Variants in GBP6 observed in about 807,000 individuals in gnomAD.
The protein encoded by GBP6 is guanylate-binding protein 6.
GBP6 carries 54 observed loss-of-function variants against 61.5 expected under a neutral mutation model. The observed-to-expected ratio is 0.88, with a 90% CI of 0.71 to 1.10. The LOEUF (loss-of-function observed/expected upper bound fraction) is 1.10. Among genes scored for constraint, GBP6 ranks in the 50% least tolerant of loss-of-function variants. The probability of loss-of-function intolerance (pLI) is 0.00; values close to 1 mark genes in which losing one functional copy is unlikely to be tolerated. For missense variants in GBP6, 748 were observed against 752.8 expected (o/e 0.99, Z 0.07); for synonymous variants, 255 against 273.7 (o/e 0.93, Z 0.67).
Position 89,385,353 on chromosome 1 carries a change from ACCTTGGACAACCTTG to A in GBP6, c.1789_1803del (p.Leu597_Ala601del). ...TGATGATACTCCCTGGATTGCACGA[ACCTTGGACAACCTTG>A]CCGATGAGCTAACTGCAATATTGTC... On this transcript the variant is annotated inframe_deletion, in exon 11 of 11. Coordinates refer to ENST00000370456, the MANE Select transcript of GBP6 (RefSeq NM_198460.3). 6.2e-7 allele frequency: 1 copy of A among 1,614,160 alleles called. No individual in the cohort carries two copies. The highest frequency in any genetic ancestry group is 1.1e-5 in the South Asian group (1 of 91,084).
At position 89,384,193 on chromosome 1, in the gene GBP6, C is replaced by T. The variant is rs1164284225; in HGVS notation, c.1569C>T (p.Arg523=). 1 of 1,613,990 alleles carries T rather than the reference C, an allele frequency of 6.2e-7. No individual in the cohort carries two copies. The highest frequency in any genetic ancestry group is 1.7e-5 in the Admixed American group (1 of 59,996). Residue 523 remains arginine (R), a synonymous_variant, in exon 10 of 11, where the codon CGC becomes CGT. Coordinates refer to ENST00000370456, the MANE Select transcript of GBP6 (RefSeq NM_198460.3). ...AGATGGAGGCTCAAGATAAGAGTCG[C>T]AAGGAAAACATAGCCCAACTGAAGG... is the stretch of plus-strand genomic sequence containing the variant. ...QQQMEAQDKS[R]KENIAQLKEK...
rs1653137104 is a variant in GBP6 at position 89,386,082 on chromosome 1, T to C, written c.*613T>C. The C allele has an allele frequency of 6.6e-6, 1 of 151,794 alleles. No individual in the cohort carries two copies. Among genetic ancestry groups the C allele is most frequent in the African/African-American group, 2.4e-5 (1 of 41,264 alleles). The allele number at this position is 151,794 out of a possible 1,614,324, so 9.4% of individuals were successfully genotyped here. On this transcript the variant is annotated 3_prime_UTR_variant, in exon 11 of 11. Coordinates refer to ENST00000370456, the MANE Select transcript of GBP6 (RefSeq NM_198460.3). ...ATTTTAGTATGTGCATGTACTGGAA[T>C]ATTATATAGCCAGTAAACAAATTGA...
At position 89,378,719 on chromosome 1, in the gene GBP6, T is replaced by A. The variant is rs576475450; in HGVS notation, c.625+106T>A. The A allele has an allele frequency of 1.5e-4, 137 of 898,386 alleles. 1 individual carries two copies. In the South Asian group the frequency reaches 2.4e-3, roughly 16 times the overall value. The allele number at this position is 898,386 out of a possible 1,614,324, so 55.7% of individuals were successfully genotyped here. A position where few individuals can be genotyped will look rare whatever the true frequency, so the allele number is the denominator to read the frequency against. On this transcript the variant is annotated intron_variant, in intron 5 of 10. Coordinates refer to ENST00000370456, the MANE Select transcript of GBP6 (RefSeq NM_198460.3). ...ATTTGTATTTGAGACTAGATTGAGG[T>A]CTGTAGAAACGGGGACTGAGGGGTA... is the stretch of plus-strand genomic sequence containing the variant.
In GBP6 at chr1:89,383,695, T is replaced by G; in HGVS notation, c.1409T>G (p.Ile470Arg). 1 of 1,612,724 alleles carries G rather than the reference T, an allele frequency of 6.2e-7. No individual in the cohort carries two copies. The change falls in exon 9 of 11, where the codon ATA (isoleucine) becomes AGA (arginine). Residue 470 changes from isoleucine (I) to arginine (R), a missense_variant. Transcript: ENST00000370456. ...AGGTTCCTGGAGTCACAGATGGTGA[T>G]AGAGGAATCCATCTTGCAGTCAGAT... ...FQRFLESQMV[I>R]EESILQSDKA...
chr1:89,368,689 G>A lies in GBP6; in HGVS notation c.138G>A (p.Leu46=), dbSNP rs895280575. The change falls in exon 2 of 11, where the codon CTG becomes CTA. Residue 46 remains leucine (L), a synonymous_variant. Transcript: ENST00000370456. The part of the protein sequence containing the change: ...QPVVVVAIVG[L]YRTGKSYLMN... Reference sequence around the variant, plus strand: ...TGGTGGTGGTGGCCATTGTAGGACTGTACCGTACAGGGAAATCCTACTTGA... The same window carrying A: ...TGGTGGTGGTGGCCATTGTAGGACTATACCGTACAGGGAAATCCTACTTGA... 4 of 1,614,116 alleles carry A rather than the reference G, an allele frequency of 2.5e-6. No homozygotes were observed. The highest frequency in any genetic ancestry group is 1.7e-5 in the Admixed American group (1 of 60,030).
chr1:89,374,801 T>C (rs1652759815), intron 3 of GBP6, among the ~76,000 whole-genome samples: 1 of 152,176 alleles, frequency 6.6e-6, no homozygotes, highest in African/African-American at 2.4e-5. Flanking sequence ...ATGTGCAAGA[T>C]GTGCAGGTTT....
chr1:89,373,267 A>G (rs545857198), intron 3 of GBP6, among the ~76,000 whole-genome samples: 1,586 of 152,320 alleles, frequency 0.01, 40 homozygotes, highest in African/African-American at 0.036. Flanking sequence ...CGATTCCTCA[A>G]GGATCTAGAA....
rs755564316 is a variant in GBP6, at chr1:89,381,800, C to T, written c.978C>T (p.Ala326=). The T allele has an allele frequency of 9.9e-6, 16 of 1,613,944 alleles. No homozygotes were observed. The highest frequency in any genetic ancestry group is 1.6e-4 in the Middle Eastern group (1 of 6,084). The change falls in exon 7 of 11, where the codon GCC becomes GCT. Residue 326 remains alanine, a synonymous_variant. Transcript: ENST00000370456. The part of the protein sequence containing the change: ...ITLAQRENSA[A]VQRAADYYSQ... ...TGGCCCAGCGTGAGAACTCAGCGGC[C>T]GTGCAGAGGGCAGCTGACTACTACA...
rs1653123259 is a variant in GBP6 at position 89,385,659 on chromosome 1, A to G, written c.*190A>G. ...AGAGATTCACCTGCCTCAGCCCCCT[A>G]GTAGCTGGGATTATAGGTGTACACC... On this transcript the variant is annotated 3_prime_UTR_variant, in exon 11 of 11. Coordinates refer to ENST00000370456, the MANE Select transcript of GBP6 (RefSeq NM_198460.3). 1.1e-5 allele frequency: 6 copies of G among 551,850 alleles called. No homozygotes were observed. In the South Asian group the frequency reaches 1.1e-4, roughly 10 times the overall value. The allele number at this position is 551,850 out of a possible 1,614,324, so 34.2% of individuals were successfully genotyped here.
At chr1:89,368,793 A>G in intron 2 of GBP6, 52 bp downstream of exon 2, 1 of 1,522,612 alleles carries the variant, frequency 6.6e-7, no homozygotes, top group Non-Finnish European at 9.0e-7. Context: ...GCTATATCTC[A>G]GCTTCTTGAT....
Position 89,384,188 on chromosome 1 carries a change from A to T in GBP6, c.1564A>T (p.Ser522Cys), listed in dbSNP as rs1429506817. The T allele has an allele frequency of 6.2e-7, 1 of 1,614,076 alleles. No individual in the cohort carries two copies. The highest frequency in any genetic ancestry group is 2.2e-5 in the East Asian group (1 of 44,872). Residue 522 changes from serine to cysteine, a missense_variant, in exon 10 of 11, where the codon AGT (serine) becomes TGT (cysteine). By Grantham distance (112) the Ser-to-Cys change is moderately radical (BLOSUM62 -1). Coordinates refer to ENST00000370456, the MANE Select transcript of GBP6 (RefSeq NM_198460.3). ...QQQQMEAQDK[S>C]RKENIAQLKE... ...GCAACAGATGGAGGCTCAAGATAAG[A>T]GTCGCAAGGAAAACATAGCCCAACT...
At chr1:89,373,175 G>C (rs948737589) in intron 3 of GBP6, among the ~76,000 whole-genome samples, 2 of 152,198 alleles carry the variant, frequency 1.3e-5, no homozygotes, top group African/African-American at 2.4e-5. Context: ...ACAAGTGCTG[G>C]AGAGGATGTG....
chr1:89,377,738 G>A (rs1652845457), intron 3 of GBP6, among the ~76,000 whole-genome samples: 1 of 152,134 alleles, frequency 6.6e-6, no homozygotes, highest in African/African-American at 2.4e-5. Context: ...CCCCAGTTAT[G>A]CATACTATGG....
At position 89,378,490 on chromosome 1, in the gene GBP6, G is replaced by A; in HGVS notation, c.502G>A (p.Glu168Lys). 6.2e-7 allele frequency: 1 copy of A among 1,614,142 alleles called. No homozygotes were observed. The highest frequency in any genetic ancestry group is 8.5e-7 in the Non-Finnish European group (1 of 1,180,006). The change falls in exon 5 of 11, where the codon GAG becomes AAG. Residue 168 changes from glutamate (E) to lysine (K), a missense_variant. Transcript: ENST00000370456. ...GCCTGATGGAGTAGAAGATTCCACA[G>A]AGTTTGTGAGTTTCTTCCCAGACTT... Reference protein sequence around the residue: ...PRPDGVEDSTEFVSFFPDFLW... With the variant: ...PRPDGVEDSTKFVSFFPDFLW...
chr1:89,385,101 C>T lies in GBP6; in HGVS notation c.1663-129C>T, dbSNP rs1653097262. ...TCCTCACAATGTCTAGGTCCAAATTCTCCTCTAATAACTGAGAAAATGTTT... is the reference window on the plus strand; with the variant it reads ...TCCTCACAATGTCTAGGTCCAAATTTTCCTCTAATAACTGAGAAAATGTTT... On this transcript the variant is annotated intron_variant, in intron 10 of 10. Transcript: ENST00000370456. 4 of 790,240 alleles carry T rather than the reference C, an allele frequency of 5.1e-6. No homozygotes were observed. The African/African-American group carries it at 7.0e-5, about 14-fold the overall frequency. 49.0% of individuals were successfully genotyped at this position (790,240 alleles called of 1,614,324 possible). A position where few individuals can be genotyped will look rare whatever the true frequency, so the allele number is the denominator to read the frequency against.
chr1:89,385,086 G>A (rs1352049543), intron 10 of GBP6, 144 bp from the exon 11 acceptor site: 1 of 714,818 alleles, frequency 1.4e-6, no homozygotes, highest in South Asian at 2.0e-5. Flanking sequence ...TCCTCACAAT[G>A]TCTAGGTCCA....
Position 89,380,632 on chromosome 1 carries a change from G to A in GBP6, c.871+1G>A, listed in dbSNP as rs1224127234. On this transcript the variant is annotated splice_donor_variant, in intron 6 of 10. Transcript: ENST00000370456. LOFTEE classifies it high-confidence loss of function. ...GAGGGAATCACAGTCACTGGGAATCGTGAGTCTCCTTTTTACTTTTCTGTG... is the reference window on the plus strand; with the variant it reads ...GAGGGAATCACAGTCACTGGGAATCATGAGTCTCCTTTTTACTTTTCTGTG... 3.7e-6 allele frequency: 6 copies of A among 1,612,538 alleles called. No individual in the cohort carries two copies. The highest frequency in any genetic ancestry group is 1.1e-5 in the South Asian group (1 of 90,908).
intron 3 of GBP6, among the ~76,000 whole-genome samples, chr1:89,370,769 A>G (rs1042923657): frequency 5.3e-5 from 8 of 152,332 alleles, no homozygotes; most frequent in South Asian, 2.1e-4. Flanking sequence ...AATCCAGCCA[A>G]TAATATAGCT....
rs1405914790 is a variant in GBP6, at chr1:89,385,081, A to T, written c.1663-149A>T. ...GTAAAGTTATAAACTATGCTTCCTC[A>T]CAATGTCTAGGTCCAAATTCTCCTC... On this transcript the variant is annotated intron_variant, in intron 10 of 10. Transcript: ENST00000370456. 7.7e-5 allele frequency: 54 copies of T among 702,266 alleles called. No homozygotes were observed. The South Asian group carries it at 1.1e-3, about 14-fold the overall frequency. 43.5% of individuals were successfully genotyped at this position (702,266 alleles called of 1,614,324 possible).
Sources: allele counts gnomAD v4.1 joint callset (sites outside exome capture counted in the v4.1 genomes callset), GRCh38; gene constraint gnomAD v4.1.1; transcripts MANE v1.5; gene names NCBI Gene and HGNC (gene_info 2026-07-23, HGNC 2026-07-21).